The following FLYWCH2 variants were observed in gnomAD, a reference collection of about 807,000 sequenced individuals.
The protein encoded by FLYWCH2 is FLYWCH family member 2.
Under a neutral mutation model 6.0 loss-of-function variants are expected in FLYWCH2, and 2 were observed. That is an observed-to-expected ratio of 0.33 (90% CI 0.14 to 1.04). The LOEUF is 1.04. Among genes scored for constraint, FLYWCH2 ranks in the 50% least tolerant of loss-of-function variants. FLYWCH2 has a pLI of 0.45. For missense variants in FLYWCH2, 192 were observed against 183.4 expected, an observed-to-expected ratio of 1.05 and a Z score of -0.27; for synonymous variants, 87 against 79.3, an observed-to-expected ratio of 1.10 and a Z score of -0.52.
Position 2,899,358 on chromosome 16 carries a change from C to T in FLYWCH2, c.*209C>T, listed in dbSNP as rs1410820206. 2.2e-6 allele frequency: 1 copy of T among 460,340 alleles called. No homozygotes were observed. Among genetic ancestry groups the T allele is most frequent in the African/African-American group, 2.1e-5 (1 of 48,216 alleles). 28.5% of individuals were successfully genotyped at this position (460,340 alleles called of 1,614,324 possible). A position where few individuals can be genotyped will look rare whatever the true frequency, so the allele number is the denominator to read the frequency against. On this transcript the variant is annotated 3_prime_UTR_variant, in exon 4 of 4. Coordinates refer to ENST00000396958, the MANE Select transcript of FLYWCH2 (RefSeq NM_138439.3). ...AGAATAAAAGAAGCTGTTCGCTAGA[C>T]CCCATAATGGGCAGGTTTTAAACAT... is the stretch of plus-strand genomic sequence containing the variant.
At chr16:2,886,723 G>A (rs571931676) in intron 1 of FLYWCH2, among the ~76,000 whole-genome samples, 2 of 151,554 alleles carry the variant, frequency 1.3e-5, no homozygotes, top group East Asian at 1.9e-4. Context: ...GTTTCTCCAT[G>A]TTGGTCAGGC....
intron 1 of FLYWCH2, among the ~76,000 whole-genome samples, chr16:2,894,928 A>G (rs558658994): frequency 4.6e-4 from 70 of 152,284 alleles, no homozygotes; most frequent in Middle Eastern, 3.4e-3. Flanking sequence ...GAGAACCTCA[A>G]GCCCAGGTTG....
chr16:2,889,975 C>T (rs1009169429), intron 1 of FLYWCH2, among the ~76,000 whole-genome samples: 1 of 152,104 alleles, frequency 6.6e-6, no homozygotes, highest in Admixed American at 6.6e-5. Context: ...GTCTCAGCTA[C>T]TTGGGAAGCT....
rs1203212224 is a variant in FLYWCH2 at position 2,887,358 on chromosome 16, G to A, written c.-200+3992G>A. Among the ~76,000 whole-genome samples, 8 of 136,306 alleles carry A rather than the reference G, an allele frequency of 5.9e-5. 2 individuals are homozygous for A. In the South Asian group the frequency reaches 1.4e-3, roughly 24 times the overall value. The allele number at this position is 136,306 out of a possible 152,430, so 89.4% of individuals were successfully genotyped here. A position where few individuals can be genotyped will look rare whatever the true frequency, so the allele number is the denominator to read the frequency against. On this transcript the variant is annotated intron_variant, in intron 1 of 3. Coordinates refer to ENST00000396958, the MANE Select transcript of FLYWCH2 (RefSeq NM_138439.3). ...GTATTTTTAGTAGAGATGAGGTCTCGCCATGTTGCCCAGGCTAGACCTGAA... is the reference window on the plus strand; with the variant it reads ...GTATTTTTAGTAGAGATGAGGTCTCACCATGTTGCCCAGGCTAGACCTGAA...
intron 2 of FLYWCH2, among the ~76,000 whole-genome samples, chr16:2,896,106 C>T (rs1350248876): frequency 1.3e-5 from 2 of 152,182 alleles, no homozygotes; most frequent in East Asian, 3.8e-4. Flanking sequence ...TTCTGATGGC[C>T]CCTTGTGGAG....
chr16:2,888,355 C>T lies in FLYWCH2; in HGVS notation c.-200+4989C>T, dbSNP rs906602394. Among the ~76,000 whole-genome samples the T allele has an allele frequency of 4.0e-5, 6 of 151,008 alleles. 1 individual carries two copies. The highest frequency in any genetic ancestry group is 6.6e-5 in the Admixed American group (1 of 15,126). ...TACCACATTGTATTGATTACTGTAG[C>T]TTTGTGATAATATATTTTGAGATAG... On this transcript the variant is annotated intron_variant, in intron 1 of 3. Coordinates refer to ENST00000396958, the MANE Select transcript of FLYWCH2 (RefSeq NM_138439.3).
At chr16:2,889,029 G>C (rs916280349) in intron 1 of FLYWCH2, among the ~76,000 whole-genome samples, 1 of 151,964 alleles carries the variant, frequency 6.6e-6, no homozygotes, top group African/African-American at 2.4e-5. Flanking sequence ...ATTCAGAAAA[G>C]TATCACTTGT....
chr16:2,895,816 G>A (rs2069812633), intron 2 of FLYWCH2, among the ~76,000 whole-genome samples: 1 of 152,234 alleles, frequency 6.6e-6, no homozygotes, highest in Non-Finnish European at 1.5e-5. Flanking sequence ...CTGATGCTTG[G>A]TGCCCAGGGA....
intron 3 of FLYWCH2, among the ~76,000 whole-genome samples, chr16:2,898,453 G>A (rs2069847042): frequency 6.6e-6 from 1 of 152,212 alleles, no homozygotes; most frequent in African/African-American, 2.4e-5. Context: ...GCTCAGAGGA[G>A]CGAAGTCGCC....
intron 1 of FLYWCH2, among the ~76,000 whole-genome samples, chr16:2,885,458 C>G (rs896788271): frequency 6.6e-6 from 1 of 152,206 alleles, no homozygotes; most frequent in South Asian, 2.1e-4. Flanking sequence ...AGTCAATTCT[C>G]ATTCTCCCCT....
At chr16:2,898,714 T>A in intron 3 of FLYWCH2, 1 of 234,190 alleles carries the variant, frequency 4.3e-6, no homozygotes, top group Non-Finnish European at 8.2e-6. Context: ...CCGCAGGCAA[T>A]CACCCTCAGG....
chr16:2,890,280 G>A (rs138034621), intron 1 of FLYWCH2, among the ~76,000 whole-genome samples: 380 of 150,236 alleles, frequency 2.5e-3, no homozygotes, highest in Non-Finnish European at 4.2e-3. Context: ...TTGGAGTCTC[G>A]CTCTGTTGCC....
chr16:2,883,632 C>T (rs981689997), intron 1 of FLYWCH2, among the ~76,000 whole-genome samples: 16 of 152,188 alleles, frequency 1.1e-4, no homozygotes, highest in Non-Finnish European at 1.5e-4. Flanking sequence ...TGGCCGTGTC[C>T]GCCGCGCCCA....
chr16:2,896,795 A>G (rs768519983), intron 3 of FLYWCH2, 24 bp downstream of exon 3: 1 of 1,598,710 alleles, frequency 6.3e-7, no homozygotes, highest in Non-Finnish European at 8.5e-7. Flanking sequence ...GCGGCCCCCC[A>G]GGACAGCTCG....
intron 3 of FLYWCH2, among the ~76,000 whole-genome samples, chr16:2,898,180 G>A (rs1021867641): frequency 3.8e-4 from 58 of 152,198 alleles, no homozygotes; most frequent in African/African-American, 1.4e-3. Context: ...TGAGATGGTG[G>A]TGTCCGCAGC....
At chr16:2,883,589 C>T (rs1449504700) in intron 1 of FLYWCH2, among the ~76,000 whole-genome samples, 1 of 152,178 alleles carries the variant, frequency 6.6e-6, no homozygotes, top group Non-Finnish European at 1.5e-5. Context: ...AACACCCCCA[C>T]ACGAAGGAGG....
chr16:2,897,189 A>C (rs1250216195), intron 3 of FLYWCH2, among the ~76,000 whole-genome samples: 1 of 152,086 alleles, frequency 6.6e-6, no homozygotes, highest in African/African-American at 2.4e-5. Context: ...CCGTTCAGTC[A>C]CTTAGTAACA....
At chr16:2,890,227 T>G (rs1393468917) in intron 1 of FLYWCH2, among the ~76,000 whole-genome samples, 1 of 105,306 alleles carries the variant, frequency 9.5e-6, no homozygotes, top group Non-Finnish European at 2.1e-5. Context: ...TTTTTGTTTT[T>G]GTTTTTTTTT....
At chr16:2,893,068 C>G (rs4786347) in intron 1 of FLYWCH2, among the ~76,000 whole-genome samples, 75,467 of 150,762 alleles carry the variant, frequency 0.5, 19,314 homozygotes, top group Non-Finnish European at 0.55. Context: ...GAGGGGCTCA[C>G]TTTCCATTCC....
Sources: gnomAD v4.1 joint callset for allele counts (sites outside exome capture counted in the v4.1 genomes callset) on GRCh38, gnomAD v4.1.1 for gene constraint, MANE v1.5 for transcripts, NCBI Gene and HGNC (gene_info 2026-07-23, HGNC 2026-07-21) for gene names.